TOP6BL: variants seen among roughly 807,000 people sequenced by gnomAD.
TOP6BL encodes the protein type 2 DNA topoisomerase 6 subunit B-like.
the TOP6BL span, among the ~76,000 whole-genome samples, chr11:66,792,286 T>G: frequency 1.3e-5 from 2 of 152,216 alleles, no homozygotes; most frequent in Non-Finnish European, 2.9e-5. Context: ...TATCTAAATT[T>G]CACATTGTCA....
At chr11:66,748,546 A>C in the TOP6BL span, 7 of 1,491,412 alleles carry the variant, frequency 4.7e-6, no homozygotes, top group Admixed American at 6.9e-5. Flanking sequence ...AATATTTTCT[A>C]TCTCTTTTGT....
chr11:66,767,175 C>T, the TOP6BL span, among the ~76,000 whole-genome samples: 1 of 152,260 alleles, frequency 6.6e-6, no homozygotes, highest in African/African-American at 2.4e-5. Context: ...CAGAATAATG[C>T]CCATTAAGAT....
the TOP6BL span, chr11:66,744,886 C>T: frequency 7.8e-7 from 1 of 1,289,968 alleles, no homozygotes; most frequent in South Asian, 3.0e-5. Flanking sequence ...GTTCCCTGCG[C>T]GGCATGGAGG....
the TOP6BL span, among the ~76,000 whole-genome samples, chr11:66,751,654 A>T: frequency 6.6e-6 from 1 of 151,878 alleles, no homozygotes; most frequent in Admixed American, 6.6e-5. Flanking sequence ...GTTATATCTT[A>T]ATTTTCCTTT....
At chr11:66,755,095 T>A in the TOP6BL span, among the ~76,000 whole-genome samples, 1 of 151,776 alleles carries the variant, frequency 6.6e-6, no homozygotes, top group African/African-American at 2.4e-5. Context: ...CCTTTCCTAC[T>A]AGTCGTTCTG....
the TOP6BL span, chr11:66,788,258 A>G: frequency 6.2e-7 from 1 of 1,610,286 alleles, no homozygotes; most frequent in Non-Finnish European, 8.5e-7. Context: ...ACCCTTCCAG[A>G]TGATTTTTGA....
chr11:66,748,438 G>C, the TOP6BL span: 2 of 1,548,110 alleles, frequency 1.3e-6, no homozygotes, highest in South Asian at 2.4e-5. Flanking sequence ...AGGGAGCATT[G>C]CTAGAAGGGC....
chr11:66,823,178 C>T, the TOP6BL span, among the ~76,000 whole-genome samples: 4 of 151,278 alleles, frequency 2.6e-5, no homozygotes, highest in Non-Finnish European at 4.4e-5. Flanking sequence ...CATGTAATCT[C>T]AGCTACTCAG....
the TOP6BL span, chr11:66,815,905 A>G: frequency 6.0e-6 from 4 of 668,622 alleles, no homozygotes; most frequent in African/African-American, 5.5e-5. Flanking sequence ...ATGTGGATAG[A>G]GAAACAGGTT....
the TOP6BL span, among the ~76,000 whole-genome samples, chr11:66,791,668 T>G: frequency 1.3e-5 from 2 of 152,190 alleles, no homozygotes; most frequent in African/African-American, 2.4e-5. Flanking sequence ...TAGTTTCTGC[T>G]GTGCACGGCT....
chr11:66,823,645 C>T, the TOP6BL span, among the ~76,000 whole-genome samples: 1 of 151,782 alleles, frequency 6.6e-6, no homozygotes, highest in Non-Finnish European at 1.5e-5. Context: ...CATGGTGAAA[C>T]CCCGTCTCTA....
chr11:66,839,225 T>C, the TOP6BL span: 4 of 455,966 alleles, frequency 8.8e-6, no homozygotes, highest in African/African-American at 8.0e-5. Flanking sequence ...TCTGAGCTTT[T>C]AAAATGTACT....
the TOP6BL span, among the ~76,000 whole-genome samples, chr11:66,806,131 C>T: frequency 3.3e-5 from 5 of 152,140 alleles, no homozygotes; most frequent in East Asian, 1.9e-4. Flanking sequence ...GTCTCAGTTT[C>T]CTCCATAGGT....
the TOP6BL span, among the ~76,000 whole-genome samples, chr11:66,841,015 G>T: frequency 6.6e-6 from 1 of 151,300 alleles, no homozygotes; most frequent in African/African-American, 2.4e-5. Flanking sequence ...TGGTACCTCA[G>T]TTTCCTCTCT....
At chr11:66,780,856 A>G in the TOP6BL span, among the ~76,000 whole-genome samples, 1 of 152,178 alleles carries the variant, frequency 6.6e-6, no homozygotes, top group African/African-American at 2.4e-5. Flanking sequence ...TGCTGGGATT[A>G]TAGGCATGAG....
At chr11:66,793,563 G>A in the TOP6BL span, among the ~76,000 whole-genome samples, 1 of 148,502 alleles carries the variant, frequency 6.7e-6, no homozygotes, top group Non-Finnish European at 1.5e-5. Context: ...CTCTGCCTCA[G>A]CCTCCCGAGT....
At chr11:66,801,004 A>G in the TOP6BL span, 1 of 1,610,094 alleles carries the variant, frequency 6.2e-7, no homozygotes, top group Non-Finnish European at 8.5e-7. Flanking sequence ...TCTTTGAGAG[A>G]TGGCTTAGCT....
the TOP6BL span, chr11:66,800,602 G>T: frequency 5.3e-6 from 8 of 1,514,480 alleles, no homozygotes; most frequent in Admixed American, 2.0e-5. Flanking sequence ...CTGTATCTTG[G>T]CTCATGTTAA....
chr11:66,803,137 T>C, the TOP6BL span, among the ~76,000 whole-genome samples: 1 of 152,198 alleles, frequency 6.6e-6, no homozygotes, highest in East Asian at 1.9e-4. Context: ...GCGGAAGGTG[T>C]AGCATGCGTG....
Sources: gnomAD v4.1 joint callset for allele counts (sites outside exome capture counted in the v4.1 genomes callset) on GRCh38, gnomAD v4.1.1 for gene constraint, MANE v1.5 for transcripts, NCBI Gene and HGNC (gene_info 2026-07-23, HGNC 2026-07-21) for gene names.